Variants in SYNE1 observed in about 807,000 individuals in gnomAD.
SYNE1 encodes nesprin-1.
Under a neutral mutation model 1,111.0 loss-of-function variants are expected in SYNE1, and 616 were observed. That is an observed-to-expected ratio of 0.55 (90% confidence interval 0.52 to 0.59). The LOEUF (loss-of-function observed/expected upper bound fraction) is 0.59. Among genes scored for constraint, SYNE1 ranks in the 20% least tolerant of loss-of-function variants. The pLI is 0.00. For synonymous variants in SYNE1, 3,855 were observed against 3,825.8 expected, an observed-to-expected ratio of 1.01 and a Z score of -0.28; for missense variants, 10,006 against 10,417.0, an observed-to-expected ratio of 0.96 and a Z score of 1.72.
chr6:152,538,651 C>T (rs1207710838), intron 4 of SYNE1, among the ~76,000 whole-genome samples: 2 of 150,702 alleles, frequency 1.3e-5, no homozygotes, highest in Admixed American at 6.6e-5. Context: ...AAAACCTTTT[C>T]CCCAATCGAT....
intron 52 of SYNE1, among the ~76,000 whole-genome samples, 160 bp from the exon 53 acceptor site, chr6:152,390,612 A>C (rs969175576): frequency 1.3e-5 from 2 of 152,234 alleles, no homozygotes; most frequent in African/African-American, 4.8e-5. Context: ...TATTGACTCA[A>C]AATTAGGTAT....
At chr6:152,390,996 A>G (rs539568020) in intron 52 of SYNE1, among the ~76,000 whole-genome samples, 7 of 152,344 alleles carry the variant, frequency 4.6e-5, no homozygotes, top group Non-Finnish European at 8.8e-5. Context: ...CTATATTCCC[A>G]GCAACTTGCA....
At position 152,598,351 on chromosome 6, in the gene SYNE1, C is replaced by T. The variant is rs930987210; in HGVS notation, c.67+29914G>A. ...TCCACCTTCCACCATTATTGTGAGG[C>T]CTCCCCAGCCACGTGGAACTGTGAG... On this transcript the variant is annotated intron_variant, in intron 3 of 145. Transcript: ENST00000367255. Among the ~76,000 whole-genome samples, 20 of 152,264 alleles carry T rather than the reference C, an allele frequency of 1.3e-4. 3 individuals carry two copies. The highest frequency in any genetic ancestry group is 8.5e-4 in the Admixed American group (13 of 15,276).
intron 126 of SYNE1, among the ~76,000 whole-genome samples, chr6:152,203,434 C>T (rs1250013573): frequency 1.3e-5 from 2 of 152,214 alleles, no homozygotes; most frequent in African/African-American, 2.4e-5. Context: ...TCCAGGCCTT[C>T]CTGCTCCCCA....
At chr6:152,466,380 T>G (rs2098767797) in intron 16 of SYNE1, among the ~76,000 whole-genome samples, 1 of 152,158 alleles carries the variant, frequency 6.6e-6, no homozygotes. Context: ...GGTCTAACAT[T>G]TAGAAAGCAC....
intron 3 of SYNE1, among the ~76,000 whole-genome samples, chr6:152,624,284 T>C (rs2099681688): frequency 1.3e-5 from 2 of 152,188 alleles, no homozygotes; most frequent in African/African-American, 4.8e-5. Context: ...CACCCCATCC[T>C]ACAATAACCA....
At chr6:152,529,547 ACTTT>A (rs1237780078) in intron 4 of SYNE1, among the ~76,000 whole-genome samples, 1 of 152,196 alleles carries the variant, frequency 6.6e-6, no homozygotes, top group Non-Finnish European at 1.5e-5. Flanking sequence ...TCCCAAGAAC[ACTTT>A]CAGGCTTGAT....
At chr6:152,490,374 T>C (rs960889491) in intron 11 of SYNE1, among the ~76,000 whole-genome samples, 3 of 152,158 alleles carry the variant, frequency 2.0e-5, no homozygotes, top group Non-Finnish European at 4.4e-5. Flanking sequence ...CACGTATATA[T>C]CCAGATGGCC....
In SYNE1 at chr6:152,330,121, C is replaced by T; in HGVS notation, c.14564G>A (p.Arg4855Lys). Reference sequence around the variant, plus strand: ...CCCTTGCCAGGACTGGATCTGATGCCTGGCTTTCTCATAAGCCAAGGGGTC... The same window carrying T: ...CCCTTGCCAGGACTGGATCTGATGCTTGGCTTTCTCATAAGCCAAGGGGTC... ...HLDPLAYEKA[R>K]HQIQSWQGEL... is the part of the protein sequence containing the mutation. The change falls in exon 78 of 146, where the codon AGG (arginine) becomes AAG (lysine). Residue 4855 changes from arginine (R) to lysine (K), a missense_variant. Around this residue, in one of 7 missense-constraint regions of SYNE1, gnomAD observed 4,955 missense variants for 5,017.2 expected, o/e 0.99. Coordinates refer to ENST00000367255, the MANE Select transcript of SYNE1 (RefSeq NM_182961.4). The T allele has an allele frequency of 6.2e-7, 1 of 1,614,190 alleles. No individual in the cohort carries two copies. The highest frequency in any genetic ancestry group is 8.5e-7 in the Non-Finnish European group (1 of 1,180,036).
At chr6:152,596,098 T>TA (rs71017542) in intron 3 of SYNE1, among the ~76,000 whole-genome samples, 4,598 of 18,516 alleles carry the variant, frequency 0.25, 1,342 homozygotes, top group Non-Finnish European at 0.3. Context: ...AAGGGCAATC[T>TA]AAAAAAAAAA....
intron 32 of SYNE1, among the ~76,000 whole-genome samples, chr6:152,439,580 A>G (rs2098509063): frequency 6.6e-6 from 1 of 152,204 alleles, no homozygotes; most frequent in Admixed American, 6.5e-5. Context: ...TGACTGATGA[A>G]TATCGTATAG....
At chr6:152,494,956 C>T (rs949356818) in intron 11 of SYNE1, among the ~76,000 whole-genome samples, 5 of 152,114 alleles carry the variant, frequency 3.3e-5, no homozygotes, top group African/African-American at 9.7e-5. Flanking sequence ...CTGAAGTTTC[C>T]ACCTATCAAT....
intron 85 of SYNE1, 139 bp from the exon 86 acceptor site, chr6:152,318,402 T>A (rs1445462321): frequency 3.0e-6 from 3 of 989,870 alleles, no homozygotes; most frequent in Non-Finnish European, 3.0e-6. Flanking sequence ...ATCAGGTCAT[T>A]TTTGTTTCTT....
intron 33 of SYNE1, 62 bp downstream of exon 33, chr6:152,435,879 C>T: frequency 1.9e-6 from 3 of 1,585,916 alleles, no homozygotes; most frequent in Non-Finnish European, 2.6e-6. Context: ...ATACAAGGTA[C>T]AGGAAAGATT....
Position 152,505,243 on chromosome 6 carries a change from C to T in SYNE1, c.736G>A (p.Ala246Thr), listed in dbSNP as rs1251834592. ...CTTGGGATCCCCAGTTCTGTTTCGG[C>T]GATAGTGAAAGCATCCTCCAAATTT... ...RENLEDAFTI[A>T]ETELGIPRLL... Residue 246 changes from alanine to threonine, a missense_variant, in exon 9 of 146, where the codon GCC (alanine) becomes ACC (threonine). This residue lies in a region of SYNE1 where 1,971 missense variants were observed against 2,084.1 expected (regional missense o/e 0.95). Transcript: ENST00000367255. 14 of 1,613,888 alleles carry T rather than the reference C, an allele frequency of 8.7e-6. No homozygotes were observed. The highest frequency in any genetic ancestry group is 2.2e-5 in the East Asian group (1 of 44,880).
chr6:152,330,013 G>A lies in SYNE1; in HGVS notation c.14672C>T (p.Thr4891Ile), dbSNP rs1287089391. The A allele has an allele frequency of 6.2e-7, 1 of 1,614,142 alleles. No homozygotes were observed. The highest frequency in any genetic ancestry group is 1.7e-5 in the Admixed American group (1 of 60,018). The change falls in exon 78 of 146, where the codon ACT becomes ATT. Residue 4891 changes from threonine to isoleucine, a missense_variant. Thr to Ile is a moderately conservative substitution (Grantham distance 89, BLOSUM62 -1). Transcript: ENST00000367255. ...CCAGTCCAGGGAGCGACTCATCTCA[G>A]TCTGGAAGTCTATACTCTGCACCAT... ...SRMVQSIDFQ[T>I]EMSRSLDWLR...
intron 96 of SYNE1, 148 bp downstream of exon 96, chr6:152,283,830 C>T (rs1476514780): frequency 5.6e-5 from 42 of 748,014 alleles, no homozygotes; most frequent in Non-Finnish European, 6.7e-5. Flanking sequence ...CCACCCCTCC[C>T]GGCCGTGGAG....
At chr6:152,245,052 A>T (rs548712308) in intron 105 of SYNE1, among the ~76,000 whole-genome samples, 2 of 152,346 alleles carry the variant, frequency 1.3e-5, no homozygotes, top group Non-Finnish European at 2.9e-5. Context: ...CTTGAAACGT[A>T]GCTGTGAGCA....
At chr6:152,474,666 TGACAAC>T (rs1306799167) in intron 14 of SYNE1, 1 of 152,218 alleles carries the variant, frequency 6.6e-6, no homozygotes, top group African/African-American at 2.4e-5. Flanking sequence ...ATTTAATACT[TGACAAC>T]AATGTGTAAG....
Sources: allele counts gnomAD v4.1 joint callset (sites outside exome capture counted in the v4.1 genomes callset), GRCh38; gene constraint gnomAD v4.1.1; regional missense constraint gnomAD v4.1.1; transcripts MANE v1.5; gene names NCBI Gene and HGNC (gene_info 2026-07-23, HGNC 2026-07-21).